Variants in SDK1 observed in about 807,000 individuals in gnomAD.
The protein encoded by SDK1 is protein sidekick-1.
Under a neutral mutation model 245.5 loss-of-function variants are expected in SDK1, and 157 were observed. The ratio of observed to expected loss-of-function variants is 0.64; its 90% CI spans 0.56 to 0.73. The LOEUF is 0.73. Among genes scored for constraint, SDK1 ranks in the 30% least tolerant of loss-of-function variants. The pLI is 0.00. For missense variants in SDK1, 3,583 were observed against 3,002.3 expected, an observed-to-expected ratio of 1.19 and a Z score of -4.52; for synonymous variants, 1,647 against 1,278.5, an observed-to-expected ratio of 1.29 and a Z score of -6.15.
chr7:3,663,193 CTT>C, intron 4 of SDK1, among the ~76,000 whole-genome samples: 1 of 152,206 alleles, frequency 6.6e-6, no homozygotes, highest in South Asian at 2.1e-4. Flanking sequence ...GGCTCTGACT[CTT>C]GTTTAAAATG....
At chr7:3,411,315 C>T (rs906882254) in intron 1 of SDK1, among the ~76,000 whole-genome samples, 5 of 152,162 alleles carry the variant, frequency 3.3e-5, no homozygotes, top group African/African-American at 1.2e-4. Context: ...TAAGAAAAGG[C>T]AGTTGGAGTC....
chr7:3,683,904 C>T (rs1429615227), intron 4 of SDK1, among the ~76,000 whole-genome samples: 1 of 152,160 alleles, frequency 6.6e-6, no homozygotes. Flanking sequence ...GGCCTAGTAA[C>T]AAAAAATGTG....
chr7:3,361,177 GT>G (rs1487231569), intron 1 of SDK1, among the ~76,000 whole-genome samples: 1 of 152,234 alleles, frequency 6.6e-6, no homozygotes, highest in Non-Finnish European at 1.5e-5. Context: ...ATGGCCAGGT[GT>G]GGTGGCTCAT....
intron 5 of SDK1, among the ~76,000 whole-genome samples, chr7:3,925,099 C>T (rs557621987): frequency 2.5e-4 from 38 of 152,158 alleles, no homozygotes; most frequent in African/African-American, 8.7e-4. Context: ...TTGTCCTCAG[C>T]GTGTAATAAA....
chr7:3,331,128 G>C (rs2128550898), intron 1 of SDK1, among the ~76,000 whole-genome samples: 1 of 152,254 alleles, frequency 6.6e-6, no homozygotes, highest in South Asian at 2.1e-4. Flanking sequence ...GCTGGGTGTG[G>C]TGGTGTGCGC....
At chr7:4,213,467 C>G (rs953682287) in intron 38 of SDK1, among the ~76,000 whole-genome samples, 10 of 151,932 alleles carry the variant, frequency 6.6e-5, no homozygotes, top group African/African-American at 1.2e-4. Context: ...TGCCTGTAGT[C>G]CCAGTTACTC....
intron 4 of SDK1, among the ~76,000 whole-genome samples, chr7:3,787,739 C>T (rs919375138): frequency 1.3e-5 from 2 of 152,176 alleles, no homozygotes; most frequent in Non-Finnish European, 2.9e-5. Flanking sequence ...CTAAAAAACT[C>T]TCTGAAGTTG....
chr7:3,965,253 G>C (rs902571990), intron 9 of SDK1, among the ~76,000 whole-genome samples: 1 of 152,074 alleles, frequency 6.6e-6, no homozygotes, highest in Non-Finnish European at 1.5e-5. Context: ...CCATTCCAGT[G>C]AGAGACTTAG....
chr7:3,952,457 C>T (rs1268287529), intron 7 of SDK1, among the ~76,000 whole-genome samples: 1 of 152,006 alleles, frequency 6.6e-6, no homozygotes, highest in African/African-American at 2.4e-5. Context: ...GTGGCGGGCG[C>T]CTATGATCCC....
chr7:3,859,863 C>CT (rs143685936), intron 5 of SDK1, among the ~76,000 whole-genome samples: 8,059 of 152,012 alleles, frequency 0.053, 694 homozygotes, highest in African/African-American at 0.18. Flanking sequence ...AAAATAATGA[C>CT]GTGTGGGGAA....
At chr7:3,422,142 A>G (rs1439468409) in intron 1 of SDK1, among the ~76,000 whole-genome samples, 1 of 152,238 alleles carries the variant, frequency 6.6e-6, no homozygotes, top group African/African-American at 2.4e-5. Flanking sequence ...TACAGAGACA[A>G]TTCTGTATCC....
At chr7:3,722,175 A>T (rs1778830718) in intron 4 of SDK1, among the ~76,000 whole-genome samples, 1 of 152,136 alleles carries the variant, frequency 6.6e-6, no homozygotes, top group African/African-American at 2.4e-5. Context: ...CCACCAGGCC[A>T]GCCCAGGTTA....
chr7:3,563,247 GA>G (rs892325825), intron 1 of SDK1, among the ~76,000 whole-genome samples: 1 of 152,022 alleles, frequency 6.6e-6, no homozygotes, highest in Non-Finnish European at 1.5e-5. Flanking sequence ...TGGAAAATAT[GA>G]AAAAAAGCTG....
intron 13 of SDK1, among the ~76,000 whole-genome samples, chr7:3,986,664 A>G (rs35294653): frequency 0.096 from 14,650 of 152,152 alleles, 752 homozygotes; most frequent in Middle Eastern, 0.13. Flanking sequence ...TTCAAGACCA[A>G]CCTGGCCAAG....
At chr7:3,528,959 T>A (rs1270649258) in intron 1 of SDK1, among the ~76,000 whole-genome samples, 1 of 152,012 alleles carries the variant, frequency 6.6e-6, no homozygotes, top group East Asian at 1.9e-4. Flanking sequence ...AGGCCAGGGT[T>A]TAAAGGGGCA....
rs73673647 is a variant in SDK1, at chr7:3,614,312, C to G, written c.299-4768C>G. On this transcript the variant is annotated intron_variant, in intron 1 of 44. Transcript: ENST00000404826. ...TTTCACTTTTCCTTAGTAATTTATT[C>G]TAGGGTCTTCTAATGTTCGTTGTTA... Among the ~76,000 whole-genome samples, 1,084 of 152,210 alleles carry G rather than the reference C, an allele frequency of 7.1e-3. 15 individuals are homozygous for G. Among genetic ancestry groups the G allele is most frequent in the African/African-American group, 0.025 (1,043 of 41,528 alleles).
chr7:4,076,925 A>G (rs1780719738), intron 20 of SDK1, 73 bp from the exon 21 acceptor site: 2 of 1,328,208 alleles, frequency 1.5e-6, no homozygotes, highest in Admixed American at 1.8e-5. Context: ...GCCTGCAACG[A>G]TGGTGCTGTG....
intron 9 of SDK1, among the ~76,000 whole-genome samples, chr7:3,965,450 T>C (rs1035774994): frequency 6.6e-6 from 1 of 152,154 alleles, no homozygotes; most frequent in African/African-American, 2.4e-5. Flanking sequence ...AACAAATCAA[T>C]GATTGTGATT....
chr7:3,929,411 T>G (rs1230674534), intron 5 of SDK1, among the ~76,000 whole-genome samples: 1 of 152,240 alleles, frequency 6.6e-6, no homozygotes, highest in East Asian at 1.9e-4. Context: ...TCACACCTTC[T>G]AGCTTGTTCT....
Sources: allele counts gnomAD v4.1 joint callset (sites outside exome capture counted in the v4.1 genomes callset), GRCh38; gene constraint gnomAD v4.1.1; transcripts MANE v1.5; gene names NCBI Gene and HGNC (gene_info 2026-07-23, HGNC 2026-07-21).